The following AS3MT variants were observed in gnomAD, a reference collection of about 807,000 sequenced individuals.
The protein encoded by AS3MT is S-adenosyl-L-methionine:arsenic(III) methyltransferase.
AS3MT carries 47 observed loss-of-function variants against 45.3 expected under a neutral mutation model. The observed-to-expected ratio is 1.04, with a 90% CI of 0.82 to 1.32. The LOEUF (loss-of-function observed/expected upper bound fraction) is 1.32, where lower values mean the gene tolerates loss of function less well. Ranked by LOEUF, AS3MT falls within the 40% of genes most tolerant of loss-of-function variation. AS3MT has a pLI of 0.00. For synonymous variants in AS3MT, 141 were observed against 152.8 expected, an observed-to-expected ratio of 0.92 and a Z score of 0.57; for missense variants, 396 against 451.1, an observed-to-expected ratio of 0.88 and a Z score of 1.11.
At chr10:102,894,820 T>C (rs10883795) in intron 10 of AS3MT, among the ~76,000 whole-genome samples, 45,665 of 152,092 alleles carry the variant, frequency 0.3, 7,118 homozygotes, top group East Asian at 0.47. Context: ...ACTCAACCAA[T>C]TGCCAATCAC....
intron 3 of AS3MT, among the ~76,000 whole-genome samples, chr10:102,872,122 C>T (rs1439439127): frequency 6.6e-6 from 1 of 152,110 alleles, no homozygotes; most frequent in African/African-American, 2.4e-5. Context: ...TTGCCTCAAG[C>T]GATCCGCCTG....
At chr10:102,886,287 TCCTC>T (rs144641573) in intron 9 of AS3MT, among the ~76,000 whole-genome samples, 223 of 149,158 alleles carry the variant, frequency 1.5e-3, no homozygotes, top group African/African-American at 4.3e-3. Flanking sequence ...ATTCCTTCCT[TCCTC>T]CCTCCCTCCC....
At chr10:102,872,325 T>C in intron 3 of AS3MT, 123 bp from the exon 4 acceptor site, 4 of 1,026,502 alleles carry the variant, frequency 3.9e-6, no homozygotes, top group Non-Finnish European at 5.8e-6. Context: ...GAGTGAATGA[T>C]GCAAGAAAGA....
chr10:102,884,147 T>G (rs1180430922), intron 9 of AS3MT, among the ~76,000 whole-genome samples: 1 of 151,754 alleles, frequency 6.6e-6, no homozygotes, highest in Non-Finnish European at 1.5e-5. Flanking sequence ...CCCAGCTAAT[T>G]TTTTGTATTT....
At chr10:102,880,991 T>C (rs944037637) in intron 9 of AS3MT, among the ~76,000 whole-genome samples, 7 of 152,234 alleles carry the variant, frequency 4.6e-5, no homozygotes, top group Admixed American at 3.3e-4. Context: ...TACCAACTCT[T>C]GAAAGCCTAT....
rs1214670245 is a variant in AS3MT, at chr10:102,874,325, G to GTGAA, written c.459-266_459-263dup. 2.6e-5 allele frequency among the ~76,000 whole-genome samples: 4 copies of GTGAA among 152,136 alleles called. No homozygotes were observed. The South Asian group carries it at 6.2e-4, about 24-fold the overall frequency. On this transcript the variant is annotated intron_variant, in intron 5 of 10. Transcript: ENST00000369880. ...GTCTGAGGTTTCATCTTGTTACATG[G>GTGAA]TGAACATCAGGACAGAAACAAGTAA... is the stretch of plus-strand genomic sequence containing the variant.
intron 6 of AS3MT, among the ~76,000 whole-genome samples, chr10:102,875,171 T>A (rs562650770): frequency 9.7e-4 from 147 of 152,204 alleles, no homozygotes; most frequent in Non-Finnish European, 1.6e-3. Context: ...GATGTGTATC[T>A]TCATGATAGT....
chr10:102,879,455 C>A (rs1179706683), intron 9 of AS3MT, among the ~76,000 whole-genome samples: 4 of 151,976 alleles, frequency 2.6e-5, no homozygotes, highest in African/African-American at 9.7e-5. Context: ...CCGTGCCCAG[C>A]CCTCAATATT....
At chr10:102,899,669 C>CTTTT (rs538296715) in intron 10 of AS3MT, among the ~76,000 whole-genome samples, 1 of 135,230 alleles carries the variant, frequency 7.4e-6, no homozygotes, top group Non-Finnish European at 1.6e-5. Context: ...CATGTTCATG[C>CTTTT]TTTTTTTTTT....
intron 4 of AS3MT, among the ~76,000 whole-genome samples, 166 bp from the exon 5 acceptor site, chr10:102,872,931 G>A (rs1844718016): frequency 6.6e-6 from 1 of 152,156 alleles, no homozygotes; most frequent in African/African-American, 2.4e-5. Context: ...GGGCAGCAGG[G>A]AGTTTATGTC....
At chr10:102,874,498 C>A in intron 5 of AS3MT, 94 bp from the exon 6 acceptor site, 2 of 891,188 alleles carry the variant, frequency 2.2e-6, no homozygotes. Context: ...GTAGCTTTGA[C>A]AGAACGGTGG....
intron 10 of AS3MT, among the ~76,000 whole-genome samples, chr10:102,896,974 AT>A (rs1845183660): frequency 6.6e-6 from 1 of 152,198 alleles, no homozygotes; most frequent in Non-Finnish European, 1.5e-5. Context: ...TGTCACTGAT[AT>A]TTTGAAACTC....
At chr10:102,878,234 G>C (rs1053221988) in intron 7 of AS3MT, 145 bp from the exon 8 acceptor site, 24 of 1,180,280 alleles carry the variant, frequency 2.0e-5, no homozygotes, top group African/African-American at 1.7e-4. Flanking sequence ...CTAGACCTTG[G>C]AGGGATGCTC....
intron 9 of AS3MT, among the ~76,000 whole-genome samples, chr10:102,880,173 G>A (rs1460952262): frequency 1.3e-5 from 2 of 152,114 alleles, no homozygotes; most frequent in East Asian, 1.9e-4. Flanking sequence ...TTTTAATGTT[G>A]GATGATGGCA....
At chr10:102,877,517 T>C (rs999011318) in intron 7 of AS3MT, among the ~76,000 whole-genome samples, 4 of 143,564 alleles carry the variant, frequency 2.8e-5, no homozygotes, top group African/African-American at 1.0e-4. Context: ...TTATTCTTAC[T>C]ATGTAATAAT....
intron 10 of AS3MT, among the ~76,000 whole-genome samples, chr10:102,899,808 C>T (rs1205005339): frequency 6.6e-6 from 1 of 151,910 alleles, no homozygotes; most frequent in Non-Finnish European, 1.5e-5. Flanking sequence ...GCTGAGACTA[C>T]AGACGTGCCA....
rs1268203047 is a variant in AS3MT, at chr10:102,878,921, A to C, written c.815A>C (p.Gln272Pro). 2.5e-6 allele frequency: 4 copies of C among 1,614,006 alleles called. No individual in the cohort carries two copies. In the East Asian group the frequency reaches 6.7e-5, roughly 27 times the overall value. ...AAGACAGGACCAACCAAGAGATGCC[A>C]AGTTATTTACAATGGAGGAATTACA... The part of the protein sequence containing the change: ...HSKTGPTKRC[Q>P]VIYNGGITGH... The change falls in exon 9 of 11, where the codon CAA becomes CCA. Residue 272 changes from glutamine (Q) to proline (P), a missense_variant. Gln to Pro is a moderately conservative substitution (Grantham distance 76). Coordinates refer to ENST00000369880, the MANE Select transcript of AS3MT (RefSeq NM_020682.4).
At chr10:102,895,672 G>A (rs1590231382) in intron 10 of AS3MT, among the ~76,000 whole-genome samples, 1 of 152,032 alleles carries the variant, frequency 6.6e-6, no homozygotes, top group Non-Finnish European at 1.5e-5. Flanking sequence ...GGTGGCTTAC[G>A]CCACCAGGTG....
chr10:102,890,207 T>C (rs1372176026), intron 9 of AS3MT, among the ~76,000 whole-genome samples: 1 of 152,064 alleles, frequency 6.6e-6, no homozygotes, highest in African/African-American at 2.4e-5. Context: ...TTTCACTGTG[T>C]TAGCCAGGAT....
Sources: allele counts gnomAD v4.1 joint callset (sites outside exome capture counted in the v4.1 genomes callset), GRCh38; gene constraint gnomAD v4.1.1; transcripts MANE v1.5; gene names NCBI Gene and HGNC (gene_info 2026-07-23, HGNC 2026-07-21).